UGT1A4: variants seen among roughly 807,000 people sequenced by gnomAD.
UGT1A4 encodes UDP-glucuronosyltransferase 1A4.
In UGT1A4, 32 loss-of-function variants were observed where a neutral mutation model predicts 41.1. The ratio of observed to expected loss-of-function variants is 0.78; its 90% confidence interval spans 0.59 to 1.05. The LOEUF is 1.05. Ranked by LOEUF, UGT1A4 falls within the 50% of genes least tolerant of loss-of-function variation. UGT1A4 has a pLI of 0.00. For missense variants in UGT1A4, 748 were observed against 677.4 expected (o/e 1.10, Z -1.16); for synonymous variants, 283 against 265.1 (o/e 1.07, Z -0.66).
chr2:233,729,966 C>G, intron 1 of UGT1A4: 1 of 1,614,088 alleles, frequency 6.2e-7, no homozygotes, highest in Non-Finnish European at 8.5e-7. Context: ...GGGGCATCAA[C>G]TGTGCCAACA....
intron 1 of UGT1A4, among the ~76,000 whole-genome samples, chr2:233,739,223 T>C (rs1465216859): frequency 3.3e-5 from 5 of 152,316 alleles, no homozygotes; most frequent in African/African-American, 4.8e-5. Context: ...AGAGTCCTTA[T>C]AGAGAACCTC....
chr2:233,753,314 G>A (rs1425498826), intron 1 of UGT1A4: 1 of 152,252 alleles, frequency 6.6e-6, no homozygotes, highest in Non-Finnish European at 1.5e-5. Context: ...GTGCCCCTGT[G>A]GGATGGTGCC....
chr2:233,760,276 A>G (rs1040602725), intron 1 of UGT1A4: 1 of 1,612,606 alleles, frequency 6.2e-7, no homozygotes, highest in South Asian at 1.1e-5. Flanking sequence ...CTCTGGCAGG[A>G]GCAAAGGCGC....
At chr2:233,729,435 A>G in intron 1 of UGT1A4, 1 of 1,613,958 alleles carries the variant, frequency 6.2e-7, no homozygotes. Context: ...ACTTTGAAAC[A>G]GAACATTTTC....
rs771390950 is a variant in UGT1A4, at chr2:233,729,756, G to T, written c.867+10069G>T. The T allele has an allele frequency of 1.9e-6, 3 of 1,613,874 alleles. No individual in the cohort carries two copies. The South Asian group carries it at 3.3e-5, about 18-fold the overall frequency. On this transcript the variant is annotated intron_variant, in intron 1 of 4. Transcript: ENST00000373409. ...CAGACCACATGACATTCATGCAAAG[G>T]GTCAAGAACATGCTCTACCCTCTGG... is the stretch of plus-strand genomic sequence containing the variant.
At chr2:233,766,081 A>G (rs913982065) in intron 1 of UGT1A4, among the ~76,000 whole-genome samples, 2 of 152,278 alleles carry the variant, frequency 1.3e-5, no homozygotes, top group Admixed American at 6.5e-5. Context: ...ACCTTGTCGC[A>G]AGGACAGAGG....
intron 1 of UGT1A4, among the ~76,000 whole-genome samples, chr2:233,746,318 T>A (rs1693357703): frequency 6.6e-6 from 1 of 151,812 alleles, no homozygotes; most frequent in Non-Finnish European, 1.5e-5. Context: ...GCCCTGTAGA[T>A]GATCTACAGG....
intron 1 of UGT1A4, among the ~76,000 whole-genome samples, chr2:233,724,181 C>G (rs2077184625): frequency 7.7e-6 from 1 of 129,200 alleles, no homozygotes; most frequent in Non-Finnish European, 1.6e-5. Context: ...CATCTCCCTC[C>G]CGGACGGGGT....
At chr2:233,721,854 C>G in intron 1 of UGT1A4, 1 of 513,502 alleles carries the variant, frequency 1.9e-6, no homozygotes, top group Non-Finnish European at 3.9e-6. Context: ...AGCCCCACTG[C>G]TCGGCCCTGG....
At chr2:233,721,815 AC>A in intron 1 of UGT1A4, 1 of 515,300 alleles carries the variant, frequency 1.9e-6, no homozygotes. Context: ...AAAATCCAGC[AC>A]CCTATTTGGG....
rs541532523 is a variant in UGT1A4, at chr2:233,772,760, G to A, written c.*201G>A. The A allele has an allele frequency of 2.4e-5, 33 of 1,393,894 alleles. No homozygotes were observed. The South Asian group carries it at 2.9e-4, about 12-fold the overall frequency. The allele number at this position is 1,393,894 out of a possible 1,614,324, so 86.3% of individuals were successfully genotyped here. A position where few individuals can be genotyped will look rare whatever the true frequency, so the allele number is the denominator to read the frequency against. On this transcript the variant is annotated 3_prime_UTR_variant, in exon 5 of 5. Transcript: ENST00000373409. ...CAGTAAAGATATTTGAATATGTATC[G>A]TGCCCCCTCTGGTGTCTTTGATCAG...
intron 1 of UGT1A4, chr2:233,755,285 A>T (rs1468695441): frequency 1.5e-6 from 1 of 681,694 alleles, no homozygotes; most frequent in African/African-American, 1.9e-5. Flanking sequence ...ACTGCCAAAG[A>T]GCCTGCGGGG....
chr2:233,729,197 C>A, intron 1 of UGT1A4: 1 of 1,614,002 alleles, frequency 6.2e-7, no homozygotes, highest in Non-Finnish European at 8.5e-7. Context: ...AGTGTCCAGC[C>A]CTGGGCTGAG....
At chr2:233,748,774 G>A (rs2125894622) in intron 1 of UGT1A4, among the ~76,000 whole-genome samples, 2 of 151,474 alleles carry the variant, frequency 1.3e-5, no homozygotes, top group Middle Eastern at 6.8e-3. Flanking sequence ...AGGTCAATTG[G>A]GTCTTCTACT....
intron 1 of UGT1A4, chr2:233,754,785 C>A (rs751766973): frequency 1.7e-6 from 2 of 1,177,776 alleles, no homozygotes; most frequent in Non-Finnish European, 2.3e-6. Context: ...GCCAAAGGAA[C>A]GAAATCCTGT....
intron 1 of UGT1A4, among the ~76,000 whole-genome samples, chr2:233,746,366 TC>T (rs2125877621): frequency 6.6e-6 from 1 of 151,852 alleles, no homozygotes; most frequent in East Asian, 1.9e-4. Context: ...TAGTAACAAG[TC>T]CCTTCATTCT....
Position 233,718,901 on chromosome 2 carries a change from G to T in UGT1A4, c.81G>T (p.Glu27Asp), listed in dbSNP as rs377204506. The change falls in exon 1 of 5, where the codon GAG becomes GAT. Residue 27 changes from glutamate to aspartate, a missense_variant. By Grantham distance (45) the Glu-to-Asp change is conservative. Coordinates refer to ENST00000373409, the MANE Select transcript of UGT1A4 (RefSeq NM_007120.3). ...LLLLSVQPWAESGKVLVVPTD... is the reference protein window; with the variant it reads ...LLLLSVQPWADSGKVLVVPTD... Reference sequence around the variant, plus strand: ...TCCTCAGTGTCCAGCCCTGGGCTGAGAGTGGAAAGGTGTTGGTGGTGCCCA... The same window carrying T: ...TCCTCAGTGTCCAGCCCTGGGCTGATAGTGGAAAGGTGTTGGTGGTGCCCA... The T allele has an allele frequency of 2.5e-6, 4 of 1,613,936 alleles. No individual in the cohort carries two copies. The South Asian group carries it at 4.4e-5, about 18-fold the overall frequency.
At chr2:233,747,075 A>G in intron 1 of UGT1A4, 1 of 1,060,426 alleles carries the variant, frequency 9.4e-7, no homozygotes. Flanking sequence ...GTAATAATTA[A>G]CTAGGAGGAG....
chr2:233,757,555 T>TATATATATATATACATATAC, intron 1 of UGT1A4, among the ~76,000 whole-genome samples: 3 of 125,180 alleles, frequency 2.4e-5, no homozygotes, highest in Non-Finnish European at 3.3e-5. Flanking sequence ...TATATATATA[T>TATATATATATATACATATAC]ATATATGTAT....
Sources: allele counts gnomAD v4.1 joint callset (sites outside exome capture counted in the v4.1 genomes callset), GRCh38; gene constraint gnomAD v4.1.1; transcripts MANE v1.5; gene names NCBI Gene and HGNC (gene_info 2026-07-23, HGNC 2026-07-21).